PLEKHM3: variants seen among roughly 807,000 people sequenced by gnomAD.
The protein encoded by PLEKHM3 is pleckstrin homology domain-containing family M member 3.
In PLEKHM3, 45 loss-of-function variants were observed where a neutral mutation model predicts 81.8. The ratio of observed to expected loss-of-function variants is 0.55; its 90% confidence interval spans 0.43 to 0.71. The LOEUF (loss-of-function observed/expected upper bound fraction) is 0.71, where lower values mean the gene tolerates loss of function less well. Ranked by LOEUF, PLEKHM3 falls within the 30% of genes least tolerant of loss-of-function variation. The pLI is 0.00. For missense variants in PLEKHM3, 788 were observed against 924.3 expected (o/e 0.85, Z 1.91); for synonymous variants, 352 against 356.4 (o/e 0.99, Z 0.14).
At chr2:207,858,174 G>GTGTGTGTATATATA (rs373920637) in intron 7 of PLEKHM3, among the ~76,000 whole-genome samples, 33 of 123,302 alleles carry the variant, frequency 2.7e-4, no homozygotes, top group African/African-American at 9.9e-4. Context: ...GTGTGTGTGT[G>GTGTGTGTATATATA]TATATATTTT....
chr2:207,832,014 TC>T (rs1357335541), intron 7 of PLEKHM3, among the ~76,000 whole-genome samples: 1 of 152,228 alleles, frequency 6.6e-6, no homozygotes, highest in African/African-American at 2.4e-5. Context: ...TCAGTACCAC[TC>T]CCTTATCTCT....
intron 6 of PLEKHM3, chr2:207,901,247 G>A (rs559254832): frequency 5.1e-5 from 36 of 702,928 alleles, no homozygotes; most frequent in African/African-American, 5.1e-4. Context: ...ATCCCGTGCC[G>A]AGCTCCCCCG....
intron 7 of PLEKHM3, among the ~76,000 whole-genome samples, chr2:207,845,946 T>C (rs2105893244): frequency 6.6e-6 from 1 of 152,298 alleles, no homozygotes; most frequent in South Asian, 2.1e-4. Context: ...GAAAACATCA[T>C]GACAAACTAT....
chr2:207,892,388 G>A (rs529004782), intron 6 of PLEKHM3, among the ~76,000 whole-genome samples: 53 of 152,160 alleles, frequency 3.5e-4, no homozygotes, highest in African/African-American at 1.0e-3. Flanking sequence ...GTTACATTTC[G>A]CAGATTGCAT....
Position 207,976,548 on chromosome 2 carries a change from G to A in PLEKHM3, c.1546+103C>T, listed in dbSNP as rs1447517178. 4.5e-6 allele frequency: 5 copies of A among 1,100,306 alleles called. No individual in the cohort carries two copies. The highest frequency in any genetic ancestry group is 6.4e-6 in the Non-Finnish European group (5 of 778,198). 68.2% of individuals were successfully genotyped at this position (1,100,306 alleles called of 1,614,324 possible). Reference sequence around the variant, plus strand: ...GGAGAGATACTTTTTATAAACAGGAGATAGCTGTGACTAGCCTATTAAGGG... The same window carrying A: ...GGAGAGATACTTTTTATAAACAGGAAATAGCTGTGACTAGCCTATTAAGGG... On this transcript the variant is annotated intron_variant, in intron 3 of 7. Coordinates refer to ENST00000427836, the MANE Select transcript of PLEKHM3 (RefSeq NM_001080475.3). This position sits in a 1 kb window ranked among gnomAD's most constrained non-coding sequence, Gnocchi z 4.1.
In PLEKHM3 at chr2:207,977,477, T is replaced by A. The variant is rs1343633384; in HGVS notation, c.720A>T (p.Leu240Phe). 1.9e-6 allele frequency: 3 copies of A among 1,614,158 alleles called. No homozygotes were observed. Among genetic ancestry groups the A allele is most frequent in the Non-Finnish European group, 2.5e-6 (3 of 1,179,978 alleles). ...CACTGCTGTCGAGGCTGTAGAAGTATAAGTTGTAAGGTGAAAGTTCTGCAT... is the reference window on the plus strand; with the variant it reads ...CACTGCTGTCGAGGCTGTAGAAGTAAAAGTTGTAAGGTGAAAGTTCTGCAT... Reference protein sequence around the residue: ...SCYAELSPYNLYFYSLDSSGN... With the variant: ...SCYAELSPYNFYFYSLDSSGN... Residue 240 changes from leucine (L) to phenylalanine (F), a missense_variant, in exon 3 of 8, where the codon TTA (leucine) becomes TTT (phenylalanine). By Grantham distance (22) the Leu-to-Phe change is conservative. Coordinates refer to ENST00000427836, the MANE Select transcript of PLEKHM3 (RefSeq NM_001080475.3).
intron 7 of PLEKHM3, among the ~76,000 whole-genome samples, chr2:207,837,742 G>A (rs1432610061): frequency 7.6e-6 from 1 of 132,356 alleles, no homozygotes; most frequent in Non-Finnish European, 1.6e-5. Context: ...GTGAGCCACG[G>A]CGCCTGGCCG....
chr2:207,833,708 C>T (rs745766967), intron 7 of PLEKHM3, among the ~76,000 whole-genome samples: 11 of 152,280 alleles, frequency 7.2e-5, no homozygotes, highest in South Asian at 6.2e-4. Context: ...GCAATATCTC[C>T]AAACACTGCC....
chr2:207,881,279 C>T (rs1201125927), intron 6 of PLEKHM3, among the ~76,000 whole-genome samples: 1 of 152,106 alleles, frequency 6.6e-6, no homozygotes, highest in Non-Finnish European at 1.5e-5. Flanking sequence ...AACTGATGTG[C>T]TATAAAGAAT....
At chr2:207,840,713 T>G (rs976393049) in intron 7 of PLEKHM3, among the ~76,000 whole-genome samples, 2 of 152,114 alleles carry the variant, frequency 1.3e-5, no homozygotes, top group Non-Finnish European at 2.9e-5. Context: ...AAATCAATAC[T>G]TCGTCATGTG....
At chr2:207,915,885 G>A (rs1438369151) in intron 5 of PLEKHM3, among the ~76,000 whole-genome samples, 3 of 152,152 alleles carry the variant, frequency 2.0e-5, no homozygotes, top group African/African-American at 7.2e-5. Context: ...CCTTTGGAGA[G>A]CACATATACC....
intron 4 of PLEKHM3, among the ~76,000 whole-genome samples, chr2:207,937,942 C>G (rs545928132): frequency 5.4e-4 from 82 of 152,300 alleles, no homozygotes; most frequent in South Asian, 4.1e-4. Context: ...TCAGAATCTC[C>G]AAATGACTCT....
intron 2 of PLEKHM3, among the ~76,000 whole-genome samples, chr2:207,986,488 A>G (rs1471932281): frequency 1.3e-5 from 2 of 152,198 alleles, no homozygotes. Flanking sequence ...AGGGTTTACA[A>G]CTGTTATATA....
At chr2:208,011,772 G>A (rs1163349955) in intron 1 of PLEKHM3, among the ~76,000 whole-genome samples, 2 of 141,956 alleles carry the variant, frequency 1.4e-5, no homozygotes, top group Non-Finnish European at 3.0e-5. Context: ...AAATTTTTAA[G>A]TGCTCTGATA....
chr2:207,840,849 G>A (rs1252714507), intron 7 of PLEKHM3, among the ~76,000 whole-genome samples: 2 of 142,008 alleles, frequency 1.4e-5, no homozygotes, highest in Non-Finnish European at 3.0e-5. Flanking sequence ...CACCCAGGCT[G>A]GAGTGCAGTA....
chr2:207,853,706 C>G (rs1199201416), intron 7 of PLEKHM3, among the ~76,000 whole-genome samples: 2 of 152,136 alleles, frequency 1.3e-5, no homozygotes, highest in African/African-American at 4.8e-5. Flanking sequence ...TGCACTCCAG[C>G]CTTGGCGACC....
At chr2:207,911,501 G>C (rs988412760) in intron 5 of PLEKHM3, among the ~76,000 whole-genome samples, 52 of 152,260 alleles carry the variant, frequency 3.4e-4, no homozygotes, top group Middle Eastern at 3.4e-3. Context: ...TTCACCAGTG[G>C]TTTCACTAAT....
Position 207,822,265 on chromosome 2 carries a change from ACTT to A in PLEKHM3, c.*6051_*6053del, listed in dbSNP as rs1190886014. 3 of 152,660 alleles carry A rather than the reference ACTT, an allele frequency of 2.0e-5. No individual in the cohort carries two copies. Among genetic ancestry groups the A allele is most frequent in the Non-Finnish European group, 4.4e-5 (3 of 68,050 alleles). The allele number at this position is 152,660 out of a possible 1,614,324, so 9.5% of individuals were successfully genotyped here. A position where few individuals can be genotyped will look rare whatever the true frequency, so the allele number is the denominator to read the frequency against. On this transcript the variant is annotated 3_prime_UTR_variant, in exon 8 of 8. Transcript: ENST00000427836. ...TCACAATTTATCTAAGAGGCTTCCC[ACTT>A]CTTATTTGGAAAACAGGTGGCAAAA...
At chr2:207,830,417 C>T (rs185636254) in intron 7 of PLEKHM3, among the ~76,000 whole-genome samples, 100 of 152,012 alleles carry the variant, frequency 6.6e-4, no homozygotes, top group African/African-American at 2.3e-3. Context: ...AGATCAAGAC[C>T]AGCCTGGCCA....
Sources: allele counts gnomAD v4.1 joint callset (sites outside exome capture counted in the v4.1 genomes callset), GRCh38; gene constraint gnomAD v4.1.1; non-coding constraint Gnocchi (gnomAD v3.1); transcripts MANE v1.5; gene names NCBI Gene and HGNC (gene_info 2026-07-23, HGNC 2026-07-21).